The following RNF144A variants were observed in gnomAD, a reference collection of about 807,000 sequenced individuals.
RNF144A encodes the protein E3 ubiquitin-protein ligase RNF144A.
RNF144A carries 11 observed loss-of-function variants against 38.7 expected under a neutral mutation model. The observed-to-expected ratio is 0.28, with a 90% CI of 0.18 to 0.47. The LOEUF is 0.47. Among genes scored for constraint, RNF144A ranks in the 20% least tolerant of loss-of-function variants. RNF144A has a pLI of 0.99. For synonymous variants in RNF144A, 149 were observed against 143.9 expected (o/e 1.04, Z -0.25); for missense variants, 316 against 377.2 (o/e 0.84, Z 1.34).
rs1259636680 is a variant in RNF144A at position 7,043,416 on chromosome 2, G to A, written c.*3656G>A. ...AGGGGATTGAAAGGATCCAGGATGGGCTTTGTGTGTGTGTCTCAGATTCTC... is the reference window on the plus strand; with the variant it reads ...AGGGGATTGAAAGGATCCAGGATGGACTTTGTGTGTGTGTCTCAGATTCTC... On this transcript the variant is annotated 3_prime_UTR_variant, in exon 9 of 9. Coordinates refer to ENST00000320892, the MANE Select transcript of RNF144A (RefSeq NM_014746.6). 1 of 985,436 alleles carries A rather than the reference G, an allele frequency of 1.0e-6. No homozygotes were observed. The highest frequency in any genetic ancestry group is 1.2e-6 in the Non-Finnish European group (1 of 829,864). The allele number at this position is 985,436 out of a possible 1,614,324, so 61.0% of individuals were successfully genotyped here. A position where few individuals can be genotyped will look rare whatever the true frequency, so the allele number is the denominator to read the frequency against.
chr2:7,016,119 A>AAG (rs1261431466), intron 5 of RNF144A, among the ~76,000 whole-genome samples: 2 of 151,042 alleles, frequency 1.3e-5, no homozygotes, highest in African/African-American at 4.9e-5. Flanking sequence ...AAAAAAAAAA[A>AAG]AAAGAAAGAA....
At chr2:7,003,563 G>A (rs1176470185) in intron 3 of RNF144A, among the ~76,000 whole-genome samples, 2 of 152,238 alleles carry the variant, frequency 1.3e-5, no homozygotes, top group African/African-American at 4.8e-5. Flanking sequence ...AGAGCAATAG[G>A]CTGTGCCAGC....
At chr2:7,009,802 G>A (rs891500381) in intron 3 of RNF144A, among the ~76,000 whole-genome samples, 3 of 152,176 alleles carry the variant, frequency 2.0e-5, no homozygotes, top group African/African-American at 4.8e-5. Context: ...CTGAGGACCC[G>A]GCTTGTATGG....
intron 6 of RNF144A, 98 bp from the exon 7 acceptor site, chr2:7,024,271 A>T: frequency 9.4e-7 from 1 of 1,065,888 alleles, no homozygotes; most frequent in Non-Finnish European, 1.3e-6. Context: ...AAGAAAACTC[A>T]GTCTGTGAAG....
At chr2:6,936,302 T>TAC (rs893875110) in intron 1 of RNF144A, among the ~76,000 whole-genome samples, 1 of 152,184 alleles carries the variant, frequency 6.6e-6, no homozygotes, top group African/African-American at 2.4e-5. Flanking sequence ...GGCATATATA[T>TAC]ACACACACCC....
intron 1 of RNF144A, among the ~76,000 whole-genome samples, chr2:6,926,315 C>T (rs918058690): frequency 6.6e-6 from 1 of 152,226 alleles, no homozygotes; most frequent in African/African-American, 2.4e-5. Context: ...AGTGCCAGAG[C>T]TGGGCTGCGT....
intron 2 of RNF144A, among the ~76,000 whole-genome samples, chr2:6,983,275 T>C (rs1668751236): frequency 6.6e-6 from 1 of 152,178 alleles, no homozygotes; most frequent in Non-Finnish European, 1.5e-5. Flanking sequence ...CTATAAGAAG[T>C]CTCCTGGAAG....
Position 6,962,911 on chromosome 2 carries a change from A to C in RNF144A, c.-12+21764A>C, listed in dbSNP as rs1452392068. On this transcript the variant is annotated intron_variant, in intron 2 of 8. Transcript: ENST00000320892. The surrounding 1 kb of genome is among the most constrained non-coding windows in gnomAD (Gnocchi z 4.1). Reference sequence around the variant, plus strand: ...TGTGGTGGTCTTTGAACTGTGATTGATCGTTGAAGGGAGATGACAAGATCA... The same window carrying C: ...TGTGGTGGTCTTTGAACTGTGATTGCTCGTTGAAGGGAGATGACAAGATCA... 6.6e-6 allele frequency among the ~76,000 whole-genome samples: 1 copy of C among 152,168 alleles called. No individual in the cohort carries two copies. Among genetic ancestry groups the C allele is most frequent in the Non-Finnish European group, 1.5e-5 (1 of 68,044 alleles).
intron 2 of RNF144A, among the ~76,000 whole-genome samples, chr2:6,947,343 C>A (rs759302764): frequency 4.6e-5 from 7 of 151,770 alleles, no homozygotes; most frequent in Non-Finnish European, 1.0e-4. Flanking sequence ...CAAGCTATTT[C>A]AAAAATTAAT....
In RNF144A at chr2:7,009,755, G is replaced by A. The variant is rs115600565; in HGVS notation, c.136-4699G>A. Among the ~76,000 whole-genome samples the A allele has an allele frequency of 5.9e-3, 905 of 152,298 alleles. 7 individuals carry two copies. The highest frequency in any genetic ancestry group is 0.021 in the African/African-American group (866 of 41,566). On this transcript the variant is annotated intron_variant, in intron 3 of 8. Transcript: ENST00000320892. Reference sequence around the variant, plus strand: ...AAGGGAAGGCTGTGCAGGAGGTCGTGCCTCCAGCCTCCTTAACCACAGCCC... The same window carrying A: ...AAGGGAAGGCTGTGCAGGAGGTCGTACCTCCAGCCTCCTTAACCACAGCCC...
chr2:6,963,199 C>A (rs752754928), intron 2 of RNF144A, among the ~76,000 whole-genome samples: 10 of 152,132 alleles, frequency 6.6e-5, no homozygotes, highest in Admixed American at 1.3e-4. Context: ...ACACTAAATA[C>A]CTGAAAATGT....
downstream of RNF144A, among the ~76,000 whole-genome samples, chr2:7,045,673 G>T (rs934204523): frequency 7.9e-5 from 12 of 152,324 alleles, 1 homozygote; most frequent in South Asian, 6.2e-4. Context: ...GGTTCTGGGG[G>T]TTAGGCTTCA....
intron 2 of RNF144A, among the ~76,000 whole-genome samples, chr2:6,995,607 G>A (rs931129028): frequency 2.0e-5 from 3 of 152,192 alleles, no homozygotes; most frequent in African/African-American, 2.4e-5. Context: ...CTTGGAGTCC[G>A]ATGTTCGAGG....
At chr2:7,008,688 GGACA>G (rs998807298) in intron 3 of RNF144A, among the ~76,000 whole-genome samples, 4 of 152,162 alleles carry the variant, frequency 2.6e-5, no homozygotes, top group Admixed American at 6.5e-5. Context: ...TGTTTGTCTT[GGACA>G]AACTCAACAC....
chr2:6,961,905 A>T (rs1033241563), intron 2 of RNF144A, among the ~76,000 whole-genome samples: 1 of 152,190 alleles, frequency 6.6e-6, no homozygotes, highest in Non-Finnish European at 1.5e-5. Context: ...TCTCTCTCTC[A>T]TTTACTAAAT....
At chr2:7,022,828 C>T (rs141289454) in intron 6 of RNF144A, among the ~76,000 whole-genome samples, 87 of 152,250 alleles carry the variant, frequency 5.7e-4, no homozygotes, top group African/African-American at 2.0e-3. Context: ...TATGCTATCT[C>T]GTTTGCTCCT....
intron 3 of RNF144A, 24 bp downstream of exon 3, chr2:6,997,085 A>G (rs1328738771): frequency 2.0e-5 from 32 of 1,610,226 alleles, no homozygotes; most frequent in Non-Finnish European, 2.6e-5. Context: ...GATAAAATAT[A>G]TGTTACAGTG....
downstream of RNF144A, among the ~76,000 whole-genome samples, chr2:7,048,292 G>A (rs916662126): frequency 6.6e-6 from 1 of 152,212 alleles, no homozygotes; most frequent in African/African-American, 2.4e-5. Flanking sequence ...TCAGGTGGGA[G>A]ATGGTGCCCA....
At chr2:6,942,945 T>TTGCA (rs1438619440) in intron 2 of RNF144A, among the ~76,000 whole-genome samples, 1 of 152,114 alleles carries the variant, frequency 6.6e-6, no homozygotes, top group Non-Finnish European at 1.5e-5. Context: ...GTTCGTGGCA[T>TTGCA]TGCACTCCAG....
Sources: gnomAD v4.1 joint callset for allele counts (sites outside exome capture counted in the v4.1 genomes callset) on GRCh38, gnomAD v4.1.1 for gene constraint, Gnocchi (gnomAD v3.1) non-coding constraint, MANE v1.5 for transcripts, NCBI Gene and HGNC (gene_info 2026-07-23, HGNC 2026-07-21) for gene names.